The following FAAH2 variants were observed in gnomAD, a reference collection of about 807,000 sequenced individuals.
FAAH2 encodes the protein fatty-acid amide hydrolase 2.
FAAH2 carries 60 observed loss-of-function variants against 36.9 expected under a neutral mutation model. That is an observed-to-expected ratio of 1.63 (90% CI 1.32 to 2.02). The LOEUF (loss-of-function observed/expected upper bound fraction) is 2.02, where lower values mean the gene tolerates loss of function less well. FAAH2 is among the 30% of genes most tolerant of loss of function. The pLI is 0.00. For synonymous variants in FAAH2, 214 were observed against 143.8 expected (o/e 1.49, Z -3.49); for missense variants, 689 against 397.5 (o/e 1.73, Z -6.23).
chrX:57,263,291 C>G, the FAAH2 span, among the ~76,000 whole-genome samples: 1 of 111,429 alleles, frequency 9.0e-6, no homozygotes, highest in Non-Finnish European at 1.9e-5. Context: ...AGATGTATGT[C>G]TATATGCTAG....
the FAAH2 span, among the ~76,000 whole-genome samples, chrX:57,178,126 G>A: frequency 9.0e-6 from 1 of 111,489 alleles, no homozygotes; most frequent in African/African-American, 3.3e-5. Context: ...GTGGGTCCCA[G>A]CACCGGCCCT....
At chrX:57,270,260 G>A in the FAAH2 span, among the ~76,000 whole-genome samples, 4 of 111,377 alleles carry the variant, frequency 3.6e-5, no homozygotes, top group Non-Finnish European at 7.5e-5. Flanking sequence ...AAGACCAGAT[G>A]GATTCATGGC....
intron 3 of FAAH2, among the ~76,000 whole-genome samples, chrX:57,320,231 C>A (rs1298714895): frequency 3.6e-5 from 4 of 111,834 alleles, no homozygotes; most frequent in Admixed American, 9.5e-5. Flanking sequence ...AGTGAACAGG[C>A]AACCTATAGA....
At chrX:57,479,341 T>TACG (rs2057334056) in intron 10 of FAAH2, among the ~76,000 whole-genome samples, 1 of 112,268 alleles carries the variant, frequency 8.9e-6, no homozygotes, top group African/African-American at 3.2e-5. Context: ...TTGATTTTTG[T>TACG]ATCTTGAGAC....
intron 7 of FAAH2, among the ~76,000 whole-genome samples, chrX:57,386,566 G>A (rs1164586899): frequency 9.0e-6 from 1 of 111,639 alleles, no homozygotes; most frequent in African/African-American, 3.2e-5. Context: ...TGCTCTCACA[G>A]TAGAATTACC....
chrX:57,435,357 C>A (rs1329602113), intron 8 of FAAH2, among the ~76,000 whole-genome samples: 2 of 110,747 alleles, frequency 1.8e-5, no homozygotes, highest in Admixed American at 9.7e-5. Flanking sequence ...AAATGTTAAC[C>A]TTGAACTCAA....
rs751299634 is a variant in FAAH2, at chrX:57,331,564, A to G, written c.413-34A>G. The G allele has an allele frequency of 4.9e-5, 56 of 1,151,687 alleles. No homozygotes were observed. In the South Asian group the frequency reaches 9.7e-4, roughly 20 times the overall value. 94.9% of individuals were successfully genotyped at this position (1,151,687 alleles called of 1,213,427 possible). On this transcript the variant is annotated intron_variant, in intron 3 of 10. Transcript: ENST00000374900. ...GAGAAAACAACTATTTTTATTTAATAATTTTTAAACATTCTTTTCTGTGAC... is the reference window on the plus strand; with the variant it reads ...GAGAAAACAACTATTTTTATTTAATGATTTTTAAACATTCTTTTCTGTGAC...
chrX:57,229,243 C>T, the FAAH2 span: 1 of 112,033 alleles, frequency 8.9e-6, no homozygotes, highest in South Asian at 3.7e-4. Flanking sequence ...AAGCCTCATG[C>T]CTTTGGTGAA....
chrX:57,418,580 A>G lies in FAAH2; in HGVS notation c.997-13338A>G, dbSNP rs1040405928. ...TTCACCCACTGTCTAACCAGTCCCA[A>G]TGAGATGAGCCGAGTACCTCGGTTG... On this transcript the variant is annotated intron_variant, in intron 7 of 10. Coordinates refer to ENST00000374900, the MANE Select transcript of FAAH2 (RefSeq NM_174912.4). 8.3e-4 allele frequency among the ~76,000 whole-genome samples: 92 copies of G among 110,762 alleles called. 1 individual carries two copies. Among genetic ancestry groups the G allele is most frequent in the African/African-American group, 2.9e-3 (87 of 30,432 alleles).
rs138821757 is a variant in FAAH2, at chrX:57,443,015, C to T, written c.1117-3913C>T. 2.2e-3 allele frequency among the ~76,000 whole-genome samples: 248 copies of T among 111,744 alleles called. 1 individual carries two copies. The highest frequency in any genetic ancestry group is 7.8e-3 in the African/African-American group (240 of 30,756). ...GATGGGCTTCCCTTTGTGGGTAACC[C>T]GACCTTTCTCTCTGTCTGCCCTTGA... On this transcript the variant is annotated intron_variant, in intron 8 of 10. Coordinates refer to ENST00000374900, the MANE Select transcript of FAAH2 (RefSeq NM_174912.4).
At chrX:57,212,043 C>G in the FAAH2 span, among the ~76,000 whole-genome samples, 745 of 111,509 alleles carry the variant, frequency 6.7e-3, 30 homozygotes, top group Admixed American at 0.066. Context: ...TGAGACCGGC[C>G]TGGGCAACAT....
intron 7 of FAAH2, among the ~76,000 whole-genome samples, chrX:57,399,059 A>C (rs779315404): frequency 9.0e-6 from 1 of 111,573 alleles, no homozygotes; most frequent in Non-Finnish European, 1.9e-5. Flanking sequence ...CCGGTCCAGG[A>C]ATCCACGGTA....
At chrX:57,162,046 G>T in the FAAH2 span, among the ~76,000 whole-genome samples, 1 of 111,379 alleles carries the variant, frequency 9.0e-6, no homozygotes, top group African/African-American at 3.3e-5. Context: ...GCTCTTTTAG[G>T]GTAGGCCTGG....
chrX:57,352,802 T>A (rs2054059949), intron 5 of FAAH2, among the ~76,000 whole-genome samples: 1 of 110,988 alleles, frequency 9.0e-6, no homozygotes, highest in African/African-American at 3.3e-5. Context: ...TCAGTATAAT[T>A]TATATGTGCT....
intron 8 of FAAH2, among the ~76,000 whole-genome samples, chrX:57,432,317 C>A (rs1230438163): frequency 1.8e-5 from 2 of 110,876 alleles, no homozygotes; most frequent in Admixed American, 1.9e-4. Context: ...GAAACCTTAA[C>A]CAGGTAGAGA....
chrX:57,389,126 A>G (rs1470801218), intron 7 of FAAH2, among the ~76,000 whole-genome samples: 1 of 105,864 alleles, frequency 9.4e-6, no homozygotes, highest in African/African-American at 3.4e-5. Flanking sequence ...GGAACACAAT[A>G]TACTTTGCTT....
chrX:57,216,561 TATAC>T, the FAAH2 span, among the ~76,000 whole-genome samples: 730 of 39,367 alleles, frequency 0.019, 62 homozygotes, highest in African/African-American at 0.1. Context: ...TATATATATA[TATAC>T]GTATATGTAT....
chrX:57,404,533 C>T (rs1410299340), intron 7 of FAAH2, among the ~76,000 whole-genome samples: 2 of 111,604 alleles, frequency 1.8e-5, no homozygotes, highest in African/African-American at 3.3e-5. Flanking sequence ...GGGAATGGGT[C>T]CCACATAACT....
At chrX:57,351,945 AT>A (rs1410647674) in intron 5 of FAAH2, among the ~76,000 whole-genome samples, 2 of 97,744 alleles carry the variant, frequency 2.0e-5, no homozygotes, top group Non-Finnish European at 4.1e-5. Context: ...AAAGGAGTGA[AT>A]TAATTCCAAC....
Sources: gnomAD v4.1 joint callset for allele counts (sites outside exome capture counted in the v4.1 genomes callset) on GRCh38, gnomAD v4.1.1 for gene constraint, MANE v1.5 for transcripts, NCBI Gene and HGNC (gene_info 2026-07-23, HGNC 2026-07-21) for gene names.